GSK3B: variants seen among roughly 807,000 people sequenced by gnomAD.
GSK3B encodes the protein glycogen synthase kinase 3 beta.
A neutral mutation model predicts 56.4 loss-of-function variants in GSK3B; 15 were observed. That is an observed-to-expected ratio of 0.27 (90% CI 0.18 to 0.41). The LOEUF (loss-of-function observed/expected upper bound fraction) is 0.41. Ranked by LOEUF, GSK3B falls within the 10% of genes least tolerant of loss-of-function variation. The probability of loss-of-function intolerance (pLI) is 1.00; values close to 1 mark genes in which losing one functional copy is unlikely to be tolerated. For synonymous variants in GSK3B, 181 were observed against 188.9 expected, an observed-to-expected ratio of 0.96 and a Z score of 0.34; for missense variants, 300 against 513.4, an observed-to-expected ratio of 0.58 and a Z score of 4.02.
At position 119,826,036 on chromosome 3, in the gene GSK3B, T is replaced by C. The variant is rs72548718; in HGVS notation, c.*752A>G. The C allele has an allele frequency of 0.014, 3,118 of 221,288 alleles. 20 individuals carry two copies. The highest frequency in any genetic ancestry group is 0.022 in the Non-Finnish European group (2,432 of 110,822). The allele number at this position is 221,288 out of a possible 1,614,324, so 13.7% of individuals were successfully genotyped here. A position where few individuals can be genotyped will look rare whatever the true frequency, so the allele number is the denominator to read the frequency against. On this transcript the variant is annotated 3_prime_UTR_variant, in exon 11 of 11. Transcript: ENST00000264235. Reference sequence around the variant, plus strand: ...GGTCAGGCAAACAAAGAGCCACCTGTAGAGCATGTGTGCCTGAGTCTTGCT... The same window carrying C: ...GGTCAGGCAAACAAAGAGCCACCTGCAGAGCATGTGTGCCTGAGTCTTGCT...
chr3:120,083,940 G>A (rs550999954), intron 1 of GSK3B, among the ~76,000 whole-genome samples: 2 of 152,314 alleles, frequency 1.3e-5, no homozygotes, highest in South Asian at 4.1e-4. Flanking sequence ...TATAAAGACA[G>A]AGAGTAAATT....
chr3:119,833,991 C>A (rs903329267), intron 10 of GSK3B, among the ~76,000 whole-genome samples: 19 of 152,120 alleles, frequency 1.2e-4, no homozygotes, highest in Admixed American at 1.2e-3. Context: ...AGTCACTGCA[C>A]CCCGCCAGGT....
At chr3:120,048,711 C>T (rs1201364838) in intron 1 of GSK3B, among the ~76,000 whole-genome samples, 1 of 152,186 alleles carries the variant, frequency 6.6e-6, no homozygotes, top group African/African-American at 2.4e-5. Flanking sequence ...CTAGGTACCA[C>T]AAACAGGCAA....
intron 1 of GSK3B, among the ~76,000 whole-genome samples, chr3:120,071,935 T>C (rs1029011026): frequency 6.6e-5 from 10 of 152,274 alleles, no homozygotes; most frequent in South Asian, 2.1e-4. Flanking sequence ...ACAGGGCTTA[T>C]TGCAAAGTTA....
rs201071686 is a variant in GSK3B, at chr3:120,094,152, C to T, written c.-718G>A. On this transcript the variant is annotated 5_prime_UTR_variant, in exon 1 of 11. Coordinates refer to ENST00000264235, the MANE Select transcript of GSK3B (RefSeq NM_001146156.2). ...GAGGCAGCTCCCTTCAGACCCCAGG[C>T]AGCGGCTCCTCGACTGTTCCCCATT... The T allele has an allele frequency of 1.7e-4, 40 of 229,942 alleles. No individual in the cohort carries two copies. The highest frequency in any genetic ancestry group is 3.0e-4 in the Non-Finnish European group (35 of 115,052). The allele number at this position is 229,942 out of a possible 1,614,324, so 14.2% of individuals were successfully genotyped here.
At chr3:119,866,920 G>A (rs1023628627) in intron 8 of GSK3B, among the ~76,000 whole-genome samples, 4 of 151,930 alleles carry the variant, frequency 2.6e-5, no homozygotes, top group East Asian at 1.9e-4. Flanking sequence ...ATGCCAGTGC[G>A]TTTATTAAAA....
In GSK3B at chr3:119,824,274, A is replaced by G. The variant is rs2055463787; in HGVS notation, c.*2514T>C. ...TCAGAGACCTGGATCTCACTTGTAT[A>G]AAAGAGTTCTGTGATCCCACCATGA... On this transcript the variant is annotated 3_prime_UTR_variant, in exon 11 of 11. Coordinates refer to ENST00000264235, the MANE Select transcript of GSK3B (RefSeq NM_001146156.2). The G allele has an allele frequency of 4.4e-6, 1 of 225,692 alleles. No homozygotes were observed. Among genetic ancestry groups the G allele is most frequent in the South Asian group, 1.8e-4 (1 of 5,476 alleles). 14.0% of individuals were successfully genotyped at this position (225,692 alleles called of 1,614,324 possible). A position where few individuals can be genotyped will look rare whatever the true frequency, so the allele number is the denominator to read the frequency against.
At chr3:119,885,770 T>C (rs2056429401) in intron 7 of GSK3B, among the ~76,000 whole-genome samples, 1 of 151,980 alleles carries the variant, frequency 6.6e-6, no homozygotes, top group Admixed American at 6.6e-5. Flanking sequence ...CTGATCTTCG[T>C]CACAGTCGAC....
intron 2 of GSK3B, among the ~76,000 whole-genome samples, chr3:119,992,167 C>G (rs1428646470): frequency 1.3e-5 from 2 of 151,460 alleles, no homozygotes; most frequent in Non-Finnish European, 3.0e-5. Flanking sequence ...AGGAAAACAC[C>G]AAAAAGAAAA....
chr3:120,066,039 C>T (rs1464757837), intron 1 of GSK3B, among the ~76,000 whole-genome samples: 3 of 152,150 alleles, frequency 2.0e-5, no homozygotes, highest in East Asian at 1.9e-4. Flanking sequence ...AGATGCACAA[C>T]GTGGTGAAGG....
At chr3:120,009,171 AAGTC>A (rs1227825522) in intron 1 of GSK3B, among the ~76,000 whole-genome samples, 3 of 152,214 alleles carry the variant, frequency 2.0e-5, no homozygotes, top group Non-Finnish European at 4.4e-5. Flanking sequence ...GATCATTAAA[AAGTC>A]AGGAAACAAC....
At chr3:120,043,494 A>G (rs973601604) in intron 1 of GSK3B, among the ~76,000 whole-genome samples, 1 of 151,788 alleles carries the variant, frequency 6.6e-6, no homozygotes, top group Non-Finnish European at 1.5e-5. Context: ...TCTACTTTAG[A>G]AAAATACCTC....
In GSK3B at chr3:119,930,123, ACGTGCGCATG is replaced by A. The variant is rs1342707839; in HGVS notation, c.367-6650_367-6641del. ...CACACACACACACACACACACACAC[ACGTGCGCATG>A]CACACACACATTTATTTAATTTTAT... On this transcript the variant is annotated intron_variant, in intron 3 of 10. Transcript: ENST00000264235. Among the ~76,000 whole-genome samples, 10 of 137,074 alleles carry A rather than the reference ACGTGCGCATG, an allele frequency of 7.3e-5. No individual in the cohort carries two copies. The East Asian group carries it at 1.4e-3, about 19-fold the overall frequency. The allele number at this position is 137,074 out of a possible 152,430, so 89.9% of individuals were successfully genotyped here. A position where few individuals can be genotyped will look rare whatever the true frequency, so the allele number is the denominator to read the frequency against.
At chr3:120,016,180 C>T (rs981867129) in intron 1 of GSK3B, among the ~76,000 whole-genome samples, 1 of 152,154 alleles carries the variant, frequency 6.6e-6, no homozygotes, top group Non-Finnish European at 1.5e-5. Context: ...TCACAGTGGG[C>T]ATAAGAATCA....
chr3:119,890,483 C>T (rs1331603606), intron 7 of GSK3B, among the ~76,000 whole-genome samples: 1 of 151,998 alleles, frequency 6.6e-6, no homozygotes, highest in Admixed American at 6.6e-5. Context: ...GGGAAACTGA[C>T]CACAAAGGAG....
intron 10 of GSK3B, among the ~76,000 whole-genome samples, chr3:119,827,293 G>T (rs1489867376): frequency 6.6e-6 from 1 of 152,146 alleles, no homozygotes; most frequent in Non-Finnish European, 1.5e-5. Flanking sequence ...AGTAACGTGG[G>T]TCAGTGTTGA....
chr3:119,918,069 C>A (rs2056799296), intron 4 of GSK3B, among the ~76,000 whole-genome samples: 1 of 152,032 alleles, frequency 6.6e-6, no homozygotes, highest in Non-Finnish European at 1.5e-5. Context: ...CTCAATATCA[C>A]ACACACACAA....
intron 1 of GSK3B, among the ~76,000 whole-genome samples, chr3:120,089,438 T>C (rs2058492620): frequency 6.6e-6 from 1 of 152,228 alleles, no homozygotes; most frequent in Admixed American, 6.5e-5. Flanking sequence ...TAAACTCTAA[T>C]AACCTAATTT....
chr3:119,982,477 G>A (rs933371907), intron 2 of GSK3B, among the ~76,000 whole-genome samples: 3 of 152,142 alleles, frequency 2.0e-5, no homozygotes, highest in African/African-American at 7.2e-5. Flanking sequence ...AAAAAGATTA[G>A]ACTAATGGCT....
Sources: gnomAD v4.1 joint callset for allele counts (sites outside exome capture counted in the v4.1 genomes callset) on GRCh38, gnomAD v4.1.1 for gene constraint, MANE v1.5 for transcripts, NCBI Gene and HGNC (gene_info 2026-07-23, HGNC 2026-07-21) for gene names.